Variants in SPIDR observed in about 807,000 individuals in gnomAD.
SPIDR encodes the protein DNA repair-scaffolding protein.
A neutral mutation model predicts 104.6 loss-of-function variants in SPIDR; 93 were observed. That is an observed-to-expected ratio of 0.89 (90% confidence interval 0.75 to 1.06). The LOEUF is 1.06. Ranked by LOEUF, SPIDR falls within the 50% of genes least tolerant of loss-of-function variation. The pLI is 0.00. For missense variants in SPIDR, 1,154 were observed against 1,111.2 expected (o/e 1.04, Z -0.55); for synonymous variants, 431 against 416.9 (o/e 1.03, Z -0.41).
At chr8:47,592,669 A>G in intron 8 of SPIDR, 1 of 807,620 alleles carries the variant, frequency 1.2e-6, no homozygotes, top group Non-Finnish European at 2.0e-6. Flanking sequence ...CTCACGCACG[A>G]GTAGAAGTCC....
chr8:47,586,894 G>A (rs1025714457), intron 8 of SPIDR, among the ~76,000 whole-genome samples: 8 of 152,004 alleles, frequency 5.3e-5, no homozygotes, highest in East Asian at 1.9e-4. Flanking sequence ...TCACCCTCCC[G>A]AGTAGCTGGA....
chr8:47,411,852 C>T (rs1241467958), intron 7 of SPIDR, among the ~76,000 whole-genome samples: 1 of 152,096 alleles, frequency 6.6e-6, no homozygotes, highest in Non-Finnish European at 1.5e-5. Context: ...GGAAGGGATC[C>T]AGTTTCAGCT....
chr8:47,668,831 A>G (rs1234656567), intron 10 of SPIDR, among the ~76,000 whole-genome samples: 3 of 152,202 alleles, frequency 2.0e-5, no homozygotes, highest in African/African-American at 7.2e-5. Context: ...AACAAACAAA[A>G]CACCATTTAA....
intron 11 of SPIDR, among the ~76,000 whole-genome samples, chr8:47,681,028 G>T (rs1392834530): frequency 6.6e-6 from 1 of 152,178 alleles, no homozygotes. Context: ...ACGCCATTGC[G>T]CTCCAGCCTG....
At chr8:47,326,411 T>C (rs529915436) in intron 5 of SPIDR, among the ~76,000 whole-genome samples, 5 of 152,252 alleles carry the variant, frequency 3.3e-5, no homozygotes, top group Non-Finnish European at 7.3e-5. Flanking sequence ...ACATCCAGTT[T>C]GTTACCAGGT....
chr8:47,379,301 G>A (rs782004205), intron 5 of SPIDR, among the ~76,000 whole-genome samples: 23 of 152,210 alleles, frequency 1.5e-4, no homozygotes, highest in Non-Finnish European at 3.1e-4. Flanking sequence ...TGTAATCCTA[G>A]CACTTTAGGA....
chr8:47,538,888 TCTCA>T (rs1395382937), intron 8 of SPIDR, among the ~76,000 whole-genome samples: 1 of 137,652 alleles, frequency 7.3e-6, no homozygotes, highest in Non-Finnish European at 1.5e-5. Flanking sequence ...TGAGACAGAG[TCTCA>T]CTCTGTCACC....
chr8:47,446,959 C>T (rs1156723413), intron 8 of SPIDR, among the ~76,000 whole-genome samples: 2 of 152,126 alleles, frequency 1.3e-5, no homozygotes, highest in African/African-American at 2.4e-5. Flanking sequence ...CCATTAAGAA[C>T]ATTCATGATT....
chr8:47,435,100 C>T (rs2154341058), intron 7 of SPIDR, among the ~76,000 whole-genome samples: 1 of 152,130 alleles, frequency 6.6e-6, no homozygotes, highest in Non-Finnish European at 1.5e-5. Context: ...CTCAAGATAA[C>T]CTCCTGCCTC....
intron 8 of SPIDR, among the ~76,000 whole-genome samples, chr8:47,530,477 G>T (rs1432799061): frequency 2.0e-5 from 3 of 151,250 alleles, no homozygotes; most frequent in Non-Finnish European, 3.0e-5. Flanking sequence ...GAACCATGGT[G>T]TCAGAAAAAA....
intron 16 of SPIDR, among the ~76,000 whole-genome samples, chr8:47,722,657 A>C (rs2083567771): frequency 1.3e-5 from 2 of 152,228 alleles, no homozygotes; most frequent in South Asian, 4.1e-4. Context: ...ACTATAATTA[A>C]GCTTTGCACA....
At chr8:47,432,103 G>C (rs1409599975) in intron 7 of SPIDR, among the ~76,000 whole-genome samples, 1 of 152,056 alleles carries the variant, frequency 6.6e-6, no homozygotes, top group Non-Finnish European at 1.5e-5. Flanking sequence ...TACTTTAACA[G>C]GTATTTACTT....
intron 8 of SPIDR, among the ~76,000 whole-genome samples, chr8:47,463,971 C>T (rs2074352662): frequency 1.3e-5 from 2 of 152,170 alleles, no homozygotes; most frequent in Admixed American, 1.3e-4. Context: ...TTGCTTTCAC[C>T]CTTCCATTTA....
chr8:47,549,201 G>T (rs1362652351), intron 8 of SPIDR, among the ~76,000 whole-genome samples: 1 of 152,106 alleles, frequency 6.6e-6, no homozygotes, highest in Non-Finnish European at 1.5e-5. Flanking sequence ...CCAAGTCTTT[G>T]CTATTGTGAA....
At chr8:47,592,684 T>C (rs2061179562) in intron 8 of SPIDR, 1 of 698,474 alleles carries the variant, frequency 1.4e-6, no homozygotes, top group Non-Finnish European at 2.5e-6. Context: ...AAGTCCTCCC[T>C]CCCTATTTAT....
chr8:47,346,519 T>G (rs188444704), intron 5 of SPIDR, among the ~76,000 whole-genome samples: 1 of 152,332 alleles, frequency 6.6e-6, no homozygotes, highest in East Asian at 1.9e-4. Context: ...TTTCTATTGA[T>G]TGAAATAGTT....
intron 6 of SPIDR, among the ~76,000 whole-genome samples, chr8:47,398,053 C>T (rs187600737): frequency 6.6e-6 from 1 of 152,202 alleles, no homozygotes; most frequent in East Asian, 1.9e-4. Context: ...TGCCTACTCA[C>T]CACGAGACAG....
intron 11 of SPIDR, among the ~76,000 whole-genome samples, chr8:47,688,208 C>G (rs113094947): frequency 6.6e-6 from 1 of 152,118 alleles, no homozygotes; most frequent in African/African-American, 2.4e-5. Flanking sequence ...TGGCTCACTG[C>G]AAGCCCCGCC....
intron 5 of SPIDR, among the ~76,000 whole-genome samples, chr8:47,338,703 T>G (rs1295489304): frequency 1.3e-5 from 2 of 152,198 alleles, no homozygotes; most frequent in Admixed American, 1.3e-4. Context: ...TTCTAAAACT[T>G]TATTGAAAAA....
Sources: allele counts gnomAD v4.1 joint callset (sites outside exome capture counted in the v4.1 genomes callset), GRCh38; gene constraint gnomAD v4.1.1; transcripts MANE v1.5; gene names NCBI Gene and HGNC (gene_info 2026-07-23, HGNC 2026-07-21).